Variants in COL5A2 observed in about 807,000 individuals in gnomAD.
COL5A2 encodes the protein collagen alpha-2(V) chain.
Under a neutral mutation model 208.2 loss-of-function variants are expected in COL5A2, and 23 were observed. That is an observed-to-expected ratio of 0.11 (90% CI 0.08 to 0.16). The LOEUF is 0.16. Ranked by LOEUF, COL5A2 falls within the 10% of genes least tolerant of loss-of-function variation. The pLI, the probability that COL5A2 is intolerant of heterozygous loss-of-function variation, is 1.00. For synonymous variants in COL5A2, 625 were observed against 628.5 expected (o/e 0.99, Z 0.08); for missense variants, 1,590 against 1,956.4 (o/e 0.81, Z 3.53).
At chr2:189,081,792 T>C (rs58175660) in intron 12 of COL5A2, among the ~76,000 whole-genome samples, 21,613 of 152,208 alleles carry the variant, frequency 0.14, 1,523 homozygotes, top group Middle Eastern at 0.19. Context: ...AGAAATACCA[T>C]AGAAAATCAA....
At chr2:189,052,860 T>G in intron 39 of COL5A2, 51 bp downstream of exon 39, 1 of 1,611,000 alleles carries the variant, frequency 6.2e-7, no homozygotes, top group Non-Finnish European at 8.5e-7. Flanking sequence ...GAATGTACAC[T>G]CCAAACATGG....
chr2:189,251,198 G>GA, the COL5A2 span, among the ~76,000 whole-genome samples: 1 of 152,002 alleles, frequency 6.6e-6, no homozygotes, highest in African/African-American at 2.4e-5. Context: ...AATAAAGTTA[G>GA]AAAAATATCC....
chr2:189,039,164 T>C, intron 51 of COL5A2, 108 bp downstream of exon 51: 3 of 1,343,490 alleles, frequency 2.2e-6, no homozygotes, highest in Non-Finnish European at 3.2e-6. Flanking sequence ...ACTATTTTTA[T>C]CTCAAATCTA....
intron 18 of COL5A2, 36 bp downstream of exon 18, chr2:189,072,004 A>G (rs1298555430): frequency 3.7e-6 from 5 of 1,341,018 alleles, no homozygotes; most frequent in Non-Finnish European, 5.3e-6. Flanking sequence ...GTAATCATGT[A>G]GCGTTAAATA....
chr2:189,245,308 G>T, the COL5A2 span, among the ~76,000 whole-genome samples: 1 of 151,814 alleles, frequency 6.6e-6, no homozygotes, highest in African/African-American at 2.4e-5. Context: ...TTACTTCTTT[G>T]GTTTTACCCA....
At chr2:189,236,259 T>C in the COL5A2 span, among the ~76,000 whole-genome samples, 1 of 151,776 alleles carries the variant, frequency 6.6e-6, no homozygotes. Context: ...TGCTGAGTCC[T>C]GTGAGTCCTA....
In COL5A2 at chr2:189,033,752, C is replaced by T; in HGVS notation, c.*318G>A. 2 of 354,158 alleles carry T rather than the reference C, an allele frequency of 5.6e-6. No homozygotes were observed. The highest frequency in any genetic ancestry group is 5.3e-6 in the Non-Finnish European group (1 of 188,208). 21.9% of individuals were successfully genotyped at this position (354,158 alleles called of 1,614,324 possible). On this transcript the variant is annotated 3_prime_UTR_variant, in exon 54 of 54. Transcript: ENST00000374866. ...AATACTAAGCAACTTTTTCATTACA[C>T]TGAAATAAATTGAAGAAAACGGAGA...
the COL5A2 span, among the ~76,000 whole-genome samples, chr2:189,349,162 T>TACC: frequency 9.9e-5 from 15 of 152,280 alleles, no homozygotes; most frequent in South Asian, 8.3e-4. Flanking sequence ...TGTCAGATGA[T>TACC]TCCTTAATAC....
intron 1 of COL5A2, among the ~76,000 whole-genome samples, chr2:189,136,942 A>G (rs772734431): frequency 2.6e-5 from 4 of 152,128 alleles, no homozygotes; most frequent in Non-Finnish European, 5.9e-5. Context: ...GATGGCCCAA[A>G]CTTTTTATTG....
intron 8 of COL5A2, among the ~76,000 whole-genome samples, chr2:189,088,240 G>C (rs1183044464): frequency 6.6e-6 from 1 of 152,184 alleles, no homozygotes; most frequent in South Asian, 2.1e-4. Context: ...ACTCAGCCAG[G>C]AAACCATAGA....
At chr2:189,179,940 C>G (rs1688752331), upstream of COL5A2, 4 of 515,312 alleles carry the variant, frequency 7.8e-6, no homozygotes, top group South Asian at 1.4e-4. Flanking sequence ...TTCCCTATTT[C>G]ATTTAACTTT....
chr2:189,332,492 C>A, the COL5A2 span, among the ~76,000 whole-genome samples: 1 of 152,270 alleles, frequency 6.6e-6, no homozygotes, highest in East Asian at 1.9e-4. Context: ...GTGGGAGGGA[C>A]CTGGTGGGAG....
chr2:189,293,956 C>T, the COL5A2 span, among the ~76,000 whole-genome samples: 3 of 152,002 alleles, frequency 2.0e-5, no homozygotes, highest in East Asian at 1.9e-4. Context: ...GGCATGGTGG[C>T]GGGCGCCTGT....
intron 1 of COL5A2, among the ~76,000 whole-genome samples, chr2:189,166,343 T>A (rs1004544011): frequency 3.3e-5 from 5 of 151,944 alleles, no homozygotes; most frequent in African/African-American, 7.3e-5. Flanking sequence ...TTTTTTTTTT[T>A]AAATCACCTA....
the COL5A2 span, among the ~76,000 whole-genome samples, chr2:189,284,241 T>C: frequency 6.6e-6 from 1 of 152,222 alleles, no homozygotes; most frequent in African/African-American, 2.4e-5. Flanking sequence ...ACCACTTTTA[T>C]GTTTAATATG....
the COL5A2 span, among the ~76,000 whole-genome samples, chr2:189,406,639 C>A: frequency 6.6e-6 from 1 of 152,156 alleles, no homozygotes; most frequent in Non-Finnish European, 1.5e-5. Flanking sequence ...TGACCTGTAG[C>A]CATGTAACTA....
the COL5A2 span, among the ~76,000 whole-genome samples, chr2:189,325,237 G>C: frequency 6.6e-6 from 1 of 151,720 alleles, no homozygotes; most frequent in Non-Finnish European, 1.5e-5. Flanking sequence ...AATGGGTGCA[G>C]CACACAAACA....
the COL5A2 span, among the ~76,000 whole-genome samples, chr2:189,270,904 C>G: frequency 6.6e-6 from 1 of 152,180 alleles, no homozygotes; most frequent in Non-Finnish European, 1.5e-5. Flanking sequence ...CTCTCATTCA[C>G]AATTGCTACA....
At chr2:189,131,994 G>A (rs992880273) in intron 1 of COL5A2, among the ~76,000 whole-genome samples, 3 of 152,138 alleles carry the variant, frequency 2.0e-5, no homozygotes, top group Non-Finnish European at 4.4e-5. Flanking sequence ...TAATTCAGAG[G>A]CTGACAGATT....
Sources: allele counts gnomAD v4.1 joint callset (sites outside exome capture counted in the v4.1 genomes callset), GRCh38; gene constraint gnomAD v4.1.1; transcripts MANE v1.5; gene names NCBI Gene and HGNC (gene_info 2026-07-23, HGNC 2026-07-21).